GABRA3: variants seen among roughly 807,000 people sequenced by gnomAD.
GABRA3 encodes the protein gamma-aminobutyric acid receptor subunit alpha-3.
In GABRA3, 10 loss-of-function variants were observed where a neutral mutation model predicts 30.1. The observed-to-expected ratio is 0.33, with a 90% CI of 0.20 to 0.56. The LOEUF (loss-of-function observed/expected upper bound fraction) is 0.56. Among genes scored for constraint, GABRA3 ranks in the 20% least tolerant of loss-of-function variants. The pLI is 0.89. For missense variants in GABRA3, 233 were observed against 392.0 expected, an observed-to-expected ratio of 0.59 and a Z score of 3.42; for synonymous variants, 151 against 146.8, an observed-to-expected ratio of 1.03 and a Z score of -0.21.
At chrX:152,394,728 T>G (rs942725268) in intron 1 of GABRA3, among the ~76,000 whole-genome samples, 4 of 112,455 alleles carry the variant, frequency 3.6e-5, no homozygotes, top group African/African-American at 9.7e-5. Context: ...AAATTCATTA[T>G]GTATGTTTAT....
At chrX:152,302,086 T>C (rs1394178537) in intron 3 of GABRA3, among the ~76,000 whole-genome samples, 1 of 110,301 alleles carries the variant, frequency 9.1e-6, no homozygotes, top group Non-Finnish European at 1.9e-5. Context: ...AATAAAACAA[T>C]TCAAATATTC....
At chrX:152,384,961 G>A (rs947388075) in intron 1 of GABRA3, among the ~76,000 whole-genome samples, 22 of 111,495 alleles carry the variant, frequency 2.0e-4, no homozygotes, top group African/African-American at 7.2e-4. Flanking sequence ...TCACAAAAAA[G>A]GAAGGTCAAA....
chrX:152,211,185 C>T (rs868012732), intron 6 of GABRA3, among the ~76,000 whole-genome samples: 13 of 110,220 alleles, frequency 1.2e-4, no homozygotes, highest in African/African-American at 2.3e-4. Flanking sequence ...AGAACAGGTT[C>T]GTTCAGGGAA....
At chrX:152,385,589 T>C (rs1290882632) in intron 1 of GABRA3, among the ~76,000 whole-genome samples, 1 of 112,073 alleles carries the variant, frequency 8.9e-6, no homozygotes, top group African/African-American at 3.2e-5. Flanking sequence ...AGAAGCTCTT[T>C]AGTGTAATTA....
Position 152,383,693 on chromosome X carries a change from CAA to C in GABRA3, c.-26-19099_-26-19098del, listed in dbSNP as rs370843867. Among the ~76,000 whole-genome samples the C allele has an allele frequency of 4.5e-5, 4 of 89,234 alleles. No individual in the cohort carries two copies. In the South Asian group the frequency reaches 1.5e-3, roughly 34 times the overall value. The allele number at this position is 89,234 out of a possible 115,157, so 77.5% of individuals were successfully genotyped here. A position where few individuals can be genotyped will look rare whatever the true frequency, so the allele number is the denominator to read the frequency against. On this transcript the variant is annotated intron_variant, in intron 1 of 9. Coordinates refer to ENST00000370314, the MANE Select transcript of GABRA3 (RefSeq NM_000808.4). ...ACAAAATTCAACACTCTCTTGATTA[CAA>C]AAAAAAAAAAACCCTCGATAAAGGC...
intron 4 of GABRA3, among the ~76,000 whole-genome samples, chrX:152,276,948 G>A (rs780495870): frequency 3.0e-4 from 34 of 111,738 alleles, no homozygotes; most frequent in Non-Finnish European, 5.8e-4. Flanking sequence ...AATGGTATCA[G>A]GGTAAGGTAC....
chrX:152,339,930 G>A (rs1383936469), intron 3 of GABRA3, among the ~76,000 whole-genome samples: 2 of 111,380 alleles, frequency 1.8e-5, no homozygotes, highest in Non-Finnish European at 3.8e-5. Flanking sequence ...TATTTAAAGT[G>A]CATTTCTCTC....
intron 1 of GABRA3, among the ~76,000 whole-genome samples, chrX:152,424,521 G>C (rs773751239): frequency 1.9e-4 from 21 of 111,394 alleles, no homozygotes; most frequent in Non-Finnish European, 3.2e-4. Context: ...AACCTGATTT[G>C]TCAGCAGCTC....
chrX:152,195,880 C>T (rs1220459854), intron 8 of GABRA3, among the ~76,000 whole-genome samples: 2 of 110,965 alleles, frequency 1.8e-5, no homozygotes, highest in Non-Finnish European at 3.8e-5. Flanking sequence ...CTTTGGGGAC[C>T]GTTATTCTGC....
intron 5 of GABRA3, among the ~76,000 whole-genome samples, chrX:152,240,604 C>T (rs1938340083): frequency 1.0e-5 from 1 of 95,609 alleles, no homozygotes; most frequent in Non-Finnish European, 2.0e-5. Flanking sequence ...CAACTTGGTT[C>T]CATTCTCCCC....
intron 6 of GABRA3, among the ~76,000 whole-genome samples, chrX:152,221,951 A>T (rs988145880): frequency 8.9e-6 from 1 of 111,838 alleles, no homozygotes; most frequent in African/African-American, 3.3e-5. Flanking sequence ...GCGCCTGCTT[A>T]TAAGTGAGAA....
At chrX:152,335,673 G>T (rs1373128995) in intron 3 of GABRA3, among the ~76,000 whole-genome samples, 1 of 111,704 alleles carries the variant, frequency 9.0e-6, no homozygotes, top group Non-Finnish European at 1.9e-5. Context: ...TGGATATATT[G>T]CATAGTGGTG....
chrX:152,396,256 G>C (rs764233814), intron 1 of GABRA3, among the ~76,000 whole-genome samples: 1 of 111,833 alleles, frequency 8.9e-6, no homozygotes, highest in Non-Finnish European at 1.9e-5. Context: ...AAAAATGCAA[G>C]GATGACTCCT....
At chrX:152,329,099 G>A (rs1888602533) in intron 3 of GABRA3, among the ~76,000 whole-genome samples, 1 of 111,499 alleles carries the variant, frequency 9.0e-6, no homozygotes, top group Non-Finnish European at 1.9e-5. Context: ...ATTCACAATT[G>A]CTTCAAAGAG....
intron 4 of GABRA3, among the ~76,000 whole-genome samples, chrX:152,280,482 T>C (rs964226823): frequency 1.9e-4 from 21 of 111,141 alleles, no homozygotes; most frequent in Admixed American, 9.6e-4. Flanking sequence ...AGGAAAGAGA[T>C]CCCTGTGCTA....
chrX:152,367,578 T>C (rs1487639990), intron 1 of GABRA3, among the ~76,000 whole-genome samples: 2 of 111,553 alleles, frequency 1.8e-5, no homozygotes, highest in Non-Finnish European at 3.8e-5. Flanking sequence ...AATCCATATA[T>C]GTATCTAGAT....
intron 3 of GABRA3, among the ~76,000 whole-genome samples, chrX:152,292,458 T>C (rs1323943077): frequency 3.6e-5 from 4 of 111,638 alleles, no homozygotes; most frequent in Non-Finnish European, 7.5e-5. Flanking sequence ...TTAGTCTCGC[T>C]AGCGGTCTAT....
At position 152,345,645 on chromosome X, in the gene GABRA3, G is replaced by A. The variant is rs80294587; in HGVS notation, c.198C>T (p.Ile66=). 8.3e-7 allele frequency: 1 copy of A among 1,206,502 alleles called. No individual in the cohort carries two copies. The highest frequency in any genetic ancestry group is 1.1e-6 in the Non-Finnish European group (1 of 893,209). Residue 66 remains isoleucine, a synonymous_variant, in exon 3 of 10, where the codon ATC becomes ATT. Transcript: ENST00000370314. ...IPDDSTDNIT[I]FTRILDRLLD... ...GAAGACGATCCAAGATTCTGGTGAA[G>A]ATAGTGATGTTGTCAGTGCTGTCAT...
chrX:152,422,846 C>T (rs1461384220), intron 1 of GABRA3, among the ~76,000 whole-genome samples: 1 of 106,425 alleles, frequency 9.4e-6, no homozygotes, highest in South Asian at 4.3e-4. Flanking sequence ...ATTTGAAACT[C>T]GCTAGAAGAG....
Sources: allele counts gnomAD v4.1 joint callset (sites outside exome capture counted in the v4.1 genomes callset), GRCh38; gene constraint gnomAD v4.1.1; transcripts MANE v1.5; gene names NCBI Gene and HGNC (gene_info 2026-07-23, HGNC 2026-07-21).